Variants in GPC5 observed in about 807,000 individuals in gnomAD.
GPC5 encodes glypican 5.
Under a neutral mutation model 53.9 loss-of-function variants are expected in GPC5, and 47 were observed. The ratio of observed to expected loss-of-function variants is 0.87; its 90% CI spans 0.69 to 1.11. The LOEUF (loss-of-function observed/expected upper bound fraction) is 1.11, where lower values mean the gene tolerates loss of function less well. Among genes scored for constraint, GPC5 ranks in the 50% most tolerant of loss-of-function variants. The probability of loss-of-function intolerance (pLI) is 0.00; values close to 1 mark genes in which losing one functional copy is unlikely to be tolerated. For synonymous variants in GPC5, 286 were observed against 263.3 expected (o/e 1.09, Z -0.84); for missense variants, 748 against 713.1 (o/e 1.05, Z -0.56).
At chr13:92,494,729 G>A (rs1020251133) in intron 7 of GPC5, among the ~76,000 whole-genome samples, 1 of 151,728 alleles carries the variant, frequency 6.6e-6, no homozygotes, top group Non-Finnish European at 1.5e-5. Flanking sequence ...CTTCTCACTG[G>A]TAAAAAAGCT....
intron 6 of GPC5, among the ~76,000 whole-genome samples, chr13:92,048,801 A>G (rs946132854): frequency 2.0e-5 from 3 of 152,126 alleles, no homozygotes; most frequent in Admixed American, 6.5e-5. Context: ...TTTTTTCTCA[A>G]TTTCATGAAG....
intron 2 of GPC5, among the ~76,000 whole-genome samples, chr13:91,596,317 T>G (rs995609792): frequency 8.5e-5 from 13 of 152,242 alleles, no homozygotes; most frequent in Non-Finnish European, 1.8e-4. Context: ...TATCTCTGCC[T>G]TTAAATTATT....
intron 7 of GPC5, among the ~76,000 whole-genome samples, chr13:92,651,088 T>C (rs1245683639): frequency 2.0e-5 from 3 of 152,122 alleles, no homozygotes; most frequent in East Asian, 1.9e-4. Context: ...ATCTCATTCA[T>C]TTTTATGGTT....
intron 7 of GPC5, among the ~76,000 whole-genome samples, chr13:92,663,377 T>C (rs1886414476): frequency 1.3e-5 from 2 of 151,852 alleles, no homozygotes; most frequent in South Asian, 4.1e-4. Flanking sequence ...GTGAGTAACA[T>C]GGCAGAAATG....
At chr13:92,514,753 T>A (rs547835728) in intron 7 of GPC5, among the ~76,000 whole-genome samples, 53 of 152,156 alleles carry the variant, frequency 3.5e-4, no homozygotes, top group Non-Finnish European at 6.5e-4. Flanking sequence ...CTACTTTGAA[T>A]AAAACTAGGA....
chr13:91,813,470 C>CCAGACCTCACTAAAGAGAATTTG (rs2038346748), intron 5 of GPC5, among the ~76,000 whole-genome samples: 1 of 152,212 alleles, frequency 6.6e-6, no homozygotes, highest in Admixed American at 6.5e-5. Flanking sequence ...GTGAGAACCT[C>CCAGACCTCACTAAAGAGAATTTG]CAGACCTCAC....
intron 2 of GPC5, among the ~76,000 whole-genome samples, chr13:91,544,485 G>A (rs1228490381): frequency 1.3e-5 from 2 of 152,076 alleles, no homozygotes; most frequent in East Asian, 3.9e-4. Flanking sequence ...TTTTATAAAT[G>A]TTTCATGGAC....
At chr13:92,444,265 G>C (rs1489984680) in intron 7 of GPC5, among the ~76,000 whole-genome samples, 1 of 152,154 alleles carries the variant, frequency 6.6e-6, no homozygotes, top group East Asian at 1.9e-4. Flanking sequence ...TTTTGAGAGG[G>C]CACAGTTTGT....
At chr13:91,712,425 A>G (rs1452229118) in intron 3 of GPC5, among the ~76,000 whole-genome samples, 1 of 151,944 alleles carries the variant, frequency 6.6e-6, no homozygotes, top group Non-Finnish European at 1.5e-5. Flanking sequence ...ATTTGAATAT[A>G]TTGGTGTTTC....
chr13:92,024,154 A>C (rs2040782082), intron 6 of GPC5, among the ~76,000 whole-genome samples: 1 of 152,136 alleles, frequency 6.6e-6, no homozygotes, highest in South Asian at 2.1e-4. Flanking sequence ...TTTCAGAAAG[A>C]GGGCTATGCT....
intron 2 of GPC5, among the ~76,000 whole-genome samples, chr13:91,495,996 C>G (rs1203760093): frequency 2.0e-5 from 3 of 151,180 alleles, no homozygotes; most frequent in Non-Finnish European, 2.9e-5. Flanking sequence ...GCACTTCAGC[C>G]TGGGTGACAG....
intron 7 of GPC5, among the ~76,000 whole-genome samples, chr13:92,264,506 C>T (rs552210917): frequency 3.9e-5 from 6 of 152,118 alleles, no homozygotes; most frequent in African/African-American, 1.4e-4. Flanking sequence ...CACACACACA[C>T]ACAAGCAAAG....
chr13:92,805,372 T>C (rs1432281262), intron 7 of GPC5, among the ~76,000 whole-genome samples: 1 of 152,072 alleles, frequency 6.6e-6, no homozygotes, highest in Non-Finnish European at 1.5e-5. Context: ...AATCTCCTTG[T>C]ACATCTTCTT....
intron 5 of GPC5, among the ~76,000 whole-genome samples, chr13:91,900,155 A>ATTTTGT: frequency 6.6e-6 from 1 of 152,158 alleles, no homozygotes; most frequent in Non-Finnish European, 1.5e-5. Context: ...TTACATTTGA[A>ATTTTGT]AAAAATACAA....
chr13:92,392,299 G>A (rs556837023), intron 7 of GPC5, among the ~76,000 whole-genome samples: 11 of 152,192 alleles, frequency 7.2e-5, no homozygotes, highest in African/African-American at 2.6e-4. Context: ...TAAGCAATGG[G>A]GAAAAGGCTC....
At chr13:91,520,446 G>T (rs1885742408) in intron 2 of GPC5, among the ~76,000 whole-genome samples, 1 of 152,108 alleles carries the variant, frequency 6.6e-6, no homozygotes, top group South Asian at 2.1e-4. Context: ...TAATTTGGGT[G>T]GGCCTCAGAC....
intron 5 of GPC5, among the ~76,000 whole-genome samples, chr13:91,861,051 G>A (rs9556123): frequency 0.19 from 28,795 of 151,988 alleles, 3,025 homozygotes; most frequent in East Asian, 0.31. Context: ...CATTGATTTC[G>A]AATTAAATTT....
intron 6 of GPC5, among the ~76,000 whole-genome samples, chr13:91,972,556 T>C (rs1318949978): frequency 6.6e-6 from 1 of 152,252 alleles, no homozygotes; most frequent in African/African-American, 2.4e-5. Flanking sequence ...AGTTTCTTCC[T>C]AGCCTTGATG....
At chr13:91,400,488 C>A (rs1203792051) in intron 1 of GPC5, among the ~76,000 whole-genome samples, 1 of 152,168 alleles carries the variant, frequency 6.6e-6, no homozygotes, top group Admixed American at 6.5e-5. Flanking sequence ...CTTCTATCCC[C>A]AAATAAAATA....
Sources: allele counts gnomAD v4.1 joint callset (sites outside exome capture counted in the v4.1 genomes callset), GRCh38; gene constraint gnomAD v4.1.1; transcripts MANE v1.5; gene names NCBI Gene and HGNC (gene_info 2026-07-23, HGNC 2026-07-21).